Variants in AMER2 observed in about 807,000 individuals in gnomAD.
The protein encoded by AMER2 is family with sequence similarity 123A.
In AMER2, 1 loss-of-function variant was observed where a neutral mutation model predicts 4.7. That is an observed-to-expected ratio of 0.21 (90% CI 0.07 to 1.00). The LOEUF (loss-of-function observed/expected upper bound fraction) is 1.00, where lower values mean the gene tolerates loss of function less well. AMER2 is among the 50% of genes least tolerant of loss of function. AMER2 has a pLI of 0.60. For missense variants in AMER2, 988 were observed against 966.9 expected, an observed-to-expected ratio of 1.02 and a Z score of -0.29; for synonymous variants, 485 against 433.3, an observed-to-expected ratio of 1.12 and a Z score of -1.48.
Position 25,164,880 on chromosome 13 carries a change from A to T in AMER2, c.*4724T>A, listed in dbSNP as rs2137432337. On this transcript the variant is annotated 3_prime_UTR_variant, in exon 1 of 1. Coordinates refer to ENST00000515384, the MANE Select transcript of AMER2 (RefSeq NM_152704.4). ...AAGCAACAAATGCAAATACCAAAAA[A>T]AAGTAAAATAATATTGTTTTGTGTT... 6.6e-6 allele frequency: 1 copy of T among 152,386 alleles called. No individual in the cohort carries two copies. Among genetic ancestry groups the T allele is most frequent in the Non-Finnish European group, 1.5e-5 (1 of 68,042 alleles). The allele number at this position is 152,386 out of a possible 1,614,324, so 9.4% of individuals were successfully genotyped here.
In AMER2 at chr13:25,171,034, C is replaced by G. The variant is rs201915481; in HGVS notation, c.586G>C (p.Gly196Arg). Residue 196 changes from glycine (G) to arginine (R), a missense_variant, in exon 1 of 1, where the codon GGG (glycine) becomes CGG (arginine). Physicochemically the swap from Gly to Arg is moderately radical, Grantham distance 125. Transcript: ENST00000515384. The surrounding 1 kb of genome is among the most constrained non-coding windows in gnomAD (Gnocchi z 5.9). ...AGGKQKRGLR[G>R]LFSGMRWHRK... The stretch of plus-strand genomic sequence containing the variant: ...TGCCAGCGCATGCCGCTGAACAGCC[C>G]CCGCAGCCCCCGCTTTTGTTTGCCG... 6.4e-7 allele frequency: 1 copy of G among 1,573,704 alleles called. No homozygotes were observed.
rs924663863 is a variant in AMER2 at position 25,171,991 on chromosome 13, A to T, written c.-372T>A. On this transcript the variant is annotated 5_prime_UTR_variant, in exon 1 of 1. Coordinates refer to ENST00000515384, the MANE Select transcript of AMER2 (RefSeq NM_152704.4). This position sits in a 1 kb window ranked among gnomAD's most constrained non-coding sequence, Gnocchi z 5.9. ...GAAATGCCTCTAAAAACGACAACGC[A>T]ATTCAACCCACCACAAAATGCTTGT... 8.0e-6 allele frequency: 2 copies of T among 249,070 alleles called. No individual in the cohort carries two copies. 15.4% of individuals were successfully genotyped at this position (249,070 alleles called of 1,614,324 possible). A position where few individuals can be genotyped will look rare whatever the true frequency, so the allele number is the denominator to read the frequency against.
rs1956421747 is a variant in AMER2, at chr13:25,162,602, C to G, written c.*7002G>C. 1 of 152,200 alleles carries G rather than the reference C, an allele frequency of 6.6e-6. No individual in the cohort carries two copies. Among genetic ancestry groups the G allele is most frequent in the African/African-American group, 2.4e-5 (1 of 41,448 alleles). 9.4% of individuals were successfully genotyped at this position (152,200 alleles called of 1,614,324 possible). ...CTGGAGCCATTTCAAGGCAAGTGAA[C>G]AAGCATTTTCTGCATGTCTACTCCA... On this transcript the variant is annotated 3_prime_UTR_variant, in exon 1 of 1. Coordinates refer to ENST00000515384, the MANE Select transcript of AMER2 (RefSeq NM_152704.4).
Position 25,170,906 on chromosome 13 carries a change from CT to C in AMER2, c.713del (p.Lys238ArgfsTer90). The C allele has an allele frequency of 6.8e-7, 1 of 1,476,706 alleles. No individual in the cohort carries two copies. The allele number at this position is 1,476,706 out of a possible 1,614,324, so 91.5% of individuals were successfully genotyped here. On this transcript the variant is annotated frameshift_variant, in exon 1 of 1. Transcript: ENST00000515384. LOFTEE classifies it low-confidence loss of function (END_TRUNC). The surrounding 1 kb of genome is among the most constrained non-coding windows in gnomAD (Gnocchi z 7.3). ...GSLTASLECV[K>X]EETPRAAREP... ...CGCGCGCGGCTCTGGGCGTCTCCTC[CT>C]TGACGCACTCCAGGCTGGCGGTGAG... is the stretch of plus-strand genomic sequence containing the variant.
rs992491878 is a variant in AMER2 at position 25,166,520 on chromosome 13, C to T, written c.*3084G>A. The stretch of plus-strand genomic sequence containing the variant: ...CTTTGTGCAGAGCTATTAAACCAAC[C>T]GATAAATTTTCGCCCAACAATTGAT... On this transcript the variant is annotated 3_prime_UTR_variant, in exon 1 of 1. Transcript: ENST00000515384. 1 of 152,134 alleles carries T rather than the reference C, an allele frequency of 6.6e-6. No homozygotes were observed. Among genetic ancestry groups the T allele is most frequent in the Non-Finnish European group, 1.5e-5 (1 of 68,020 alleles). The allele number at this position is 152,134 out of a possible 1,614,324, so 9.4% of individuals were successfully genotyped here. A position where few individuals can be genotyped will look rare whatever the true frequency, so the allele number is the denominator to read the frequency against.
In AMER2 at chr13:25,162,084, T is replaced by C. The variant is rs1275755994; in HGVS notation, c.*7520A>G. The C allele has an allele frequency of 1.3e-5, 2 of 152,202 alleles. No individual in the cohort carries two copies. Among genetic ancestry groups the C allele is most frequent in the African/African-American group, 4.8e-5 (2 of 41,446 alleles). 9.4% of individuals were successfully genotyped at this position (152,202 alleles called of 1,614,324 possible). On this transcript the variant is annotated 3_prime_UTR_variant, in exon 1 of 1. Transcript: ENST00000515384. ...GATGTTTTTCAGGGGTTTAACATTC[T>C]ATTATAAAAATAACATCTATAAACC... is the stretch of plus-strand genomic sequence containing the variant.
rs777373064 is a variant in AMER2, at chr13:25,171,179, G to A, written c.441C>T (p.Pro147=). Residue 147 remains proline (P), a synonymous_variant, in exon 1 of 1, where the codon CCC becomes CCT. Coordinates refer to ENST00000515384, the MANE Select transcript of AMER2 (RefSeq NM_152704.4). This position sits in a 1 kb window ranked among gnomAD's most constrained non-coding sequence, Gnocchi z 5.9. ...AGCTGCTGGCGAGGGAGCCCCCGCCGGGCCCTGCGGCTCTGGGGGGCCCCG... is the reference window on the plus strand; with the variant it reads ...AGCTGCTGGCGAGGGAGCCCCCGCCAGGCCCTGCGGCTCTGGGGGGCCCCG... ...PNPGPPRAAG[P]GGGSLASSSV... 3.3e-6 allele frequency: 5 copies of A among 1,516,662 alleles called. No individual in the cohort carries two copies. Among genetic ancestry groups the A allele is most frequent in the Non-Finnish European group, 4.4e-6 (5 of 1,132,338 alleles). 94.0% of individuals were successfully genotyped at this position (1,516,662 alleles called of 1,614,324 possible). A position where few individuals can be genotyped will look rare whatever the true frequency, so the allele number is the denominator to read the frequency against.
chr13:25,171,302 G>T lies in AMER2; in HGVS notation c.318C>A (p.His106Gln), dbSNP rs957364101. 6.3e-7 allele frequency: 1 copy of T among 1,591,216 alleles called. No homozygotes were observed. The highest frequency in any genetic ancestry group is 1.7e-5 in the Admixed American group (1 of 57,246). ...GPTGLVRSRT[H>Q]DGLAEVLVLE... ...GCACCAGCACCTCGGCAAGTCCGTC[G>T]TGGGTCCTGCTCCTCACCAGCCCCG... Residue 106 changes from histidine (H) to glutamine (Q), a missense_variant, in exon 1 of 1, where the codon CAC becomes CAA. By Grantham distance (24) the His-to-Gln change is conservative. Coordinates refer to ENST00000515384, the MANE Select transcript of AMER2 (RefSeq NM_152704.4). This position sits in a 1 kb window ranked among gnomAD's most constrained non-coding sequence, Gnocchi z 5.9.
chr13:25,169,755 T>C lies in AMER2; in HGVS notation c.1865A>G (p.His622Arg). The change falls in exon 1 of 1, where the codon CAT becomes CGT. Residue 622 changes from histidine (H) to arginine (R), a missense_variant. Transcript: ENST00000515384. This position sits in a 1 kb window ranked among gnomAD's most constrained non-coding sequence, Gnocchi z 4.2. The part of the protein sequence containing the change: ...IKHLTNLPSS[H>R]PVVHQQPSRS... ...GGAGGGTTGCTGGTGCACCACGGGA[T>C]GGCTAGATGGAAGGTTGGTCAGGTG... 6.2e-7 allele frequency: 1 copy of C among 1,614,150 alleles called. No homozygotes were observed. Among genetic ancestry groups the C allele is most frequent in the Non-Finnish European group, 8.5e-7 (1 of 1,180,016 alleles).
At position 25,171,703 on chromosome 13, in the gene AMER2, C is replaced by T. The variant is rs187887971; in HGVS notation, c.-84G>A. On this transcript the variant is annotated 5_prime_UTR_variant, in exon 1 of 1. Transcript: ENST00000515384. The surrounding 1 kb of genome is among the most constrained non-coding windows in gnomAD (Gnocchi z 5.9). ...ACCCGTATTCTAAATCAACCTGAGC[C>T]GCGCTCGCCGCCGCCGCTGCAAAAG... is the stretch of plus-strand genomic sequence containing the variant. The T allele has an allele frequency of 1.5e-5, 21 of 1,411,456 alleles. No individual in the cohort carries two copies. In the African/African-American group the frequency reaches 2.9e-4, roughly 19 times the overall value. The allele number at this position is 1,411,456 out of a possible 1,614,324, so 87.4% of individuals were successfully genotyped here. A position where few individuals can be genotyped will look rare whatever the true frequency, so the allele number is the denominator to read the frequency against.
chr13:25,171,718 C>T lies in AMER2; in HGVS notation c.-99G>A. 2.1e-6 allele frequency: 3 copies of T among 1,409,874 alleles called. No homozygotes were observed. Among genetic ancestry groups the T allele is most frequent in the Admixed American group, 3.2e-5 (1 of 31,016 alleles). The allele number at this position is 1,409,874 out of a possible 1,614,324, so 87.3% of individuals were successfully genotyped here. On this transcript the variant is annotated 5_prime_UTR_variant, in exon 1 of 1. Transcript: ENST00000515384. The surrounding 1 kb of genome is among the most constrained non-coding windows in gnomAD (Gnocchi z 5.9). ...CAACCTGAGCCGCGCTCGCCGCCGC[C>T]GCTGCAAAAGAAACACACATAAAAG...
Position 25,166,314 on chromosome 13 carries a change from ATTG to A in AMER2, c.*3287_*3289del, listed in dbSNP as rs1480100481. On this transcript the variant is annotated 3_prime_UTR_variant, in exon 1 of 1. Transcript: ENST00000515384. ...GGAAGTCCTTTGTATTCTATATTCT[ATTG>A]TTGTTATTAGATAAAATAATAGAAA... The A allele has an allele frequency of 1.3e-5, 2 of 152,172 alleles. No individual in the cohort carries two copies. Among genetic ancestry groups the A allele is most frequent in the African/African-American group, 4.8e-5 (2 of 41,442 alleles). The allele number at this position is 152,172 out of a possible 1,614,324, so 9.4% of individuals were successfully genotyped here.
At position 25,170,642 on chromosome 13, in the gene AMER2, G is replaced by C; in HGVS notation, c.978C>G (p.Pro326=). The change falls in exon 1 of 1, where the codon CCC becomes CCG. Residue 326 remains proline (P), a synonymous_variant. Coordinates refer to ENST00000515384, the MANE Select transcript of AMER2 (RefSeq NM_152704.4). This position sits in a 1 kb window ranked among gnomAD's most constrained non-coding sequence, Gnocchi z 7.3. ...AEDASRTGAV[P]VKTVPLVDSE... is the part of the protein sequence containing the mutation. Reference sequence around the variant, plus strand: ...AGTCGACAAGGGGGACCGTCTTTACGGGAACGGCCCCCGTCCTGGAAGCGT... The same window carrying C: ...AGTCGACAAGGGGGACCGTCTTTACCGGAACGGCCCCCGTCCTGGAAGCGT... 1.9e-6 allele frequency: 3 copies of C among 1,554,644 alleles called. No individual in the cohort carries two copies. The highest frequency in any genetic ancestry group is 1.2e-5 in the South Asian group (1 of 84,618).
In AMER2 at chr13:25,171,507, G is replaced by T. The variant is rs200277642; in HGVS notation, c.113C>A (p.Thr38Asn). 3 of 1,601,504 alleles carry T rather than the reference G, an allele frequency of 1.9e-6. No individual in the cohort carries two copies. Among genetic ancestry groups the T allele is most frequent in the South Asian group, 2.2e-5 (2 of 89,670 alleles). The change falls in exon 1 of 1, where the codon ACC (threonine) becomes AAC (asparagine). Residue 38 changes from threonine to asparagine, a missense_variant. By Grantham distance (65) the Thr-to-Asn change is moderately conservative. Coordinates refer to ENST00000515384, the MANE Select transcript of AMER2 (RefSeq NM_152704.4). The surrounding 1 kb of genome is among the most constrained non-coding windows in gnomAD (Gnocchi z 5.9). ...RKAEAGAGTG[T>N]LAADMDLHCD... ...ATGCAAGTCCATGTCTGCCGCGAGG[G>T]TCCCGGTCCCGGCCCCGGCCTCCGC... is the stretch of plus-strand genomic sequence containing the variant.
Position 25,170,117 on chromosome 13 carries a change from A to T in AMER2, c.1503T>A (p.His501Gln), listed in dbSNP as rs764845705. The change falls in exon 1 of 1, where the codon CAT (histidine) becomes CAA (glutamine). Residue 501 changes from histidine to glutamine, a missense_variant. By Grantham distance (24) the His-to-Gln change is conservative. Transcript: ENST00000515384. This position sits in a 1 kb window ranked among gnomAD's most constrained non-coding sequence, Gnocchi z 7.3. ...RRLNRIPIEPHPKEEPKHPEK... is the reference protein window; with the variant it reads ...RRLNRIPIEPQPKEEPKHPEK... ...CCGGGTGCTTGGGCTCCTCCTTAGG[A>T]TGGGGCTCGATGGGAATCCGGTTGA... 6.2e-7 allele frequency: 1 copy of T among 1,613,934 alleles called. No individual in the cohort carries two copies. Among genetic ancestry groups the T allele is most frequent in the South Asian group, 1.1e-5 (1 of 91,062 alleles).
Position 25,166,315 on chromosome 13 carries a change from T to G in AMER2, c.*3289A>C, listed in dbSNP as rs559968989. On this transcript the variant is annotated 3_prime_UTR_variant, in exon 1 of 1. Coordinates refer to ENST00000515384, the MANE Select transcript of AMER2 (RefSeq NM_152704.4). ...GAAGTCCTTTGTATTCTATATTCTA[T>G]TGTTGTTATTAGATAAAATAATAGA... 1 of 152,244 alleles carries G rather than the reference T, an allele frequency of 6.6e-6. No homozygotes were observed. The highest frequency in any genetic ancestry group is 1.5e-5 in the Non-Finnish European group (1 of 68,036). The allele number at this position is 152,244 out of a possible 1,614,324, so 9.4% of individuals were successfully genotyped here. A position where few individuals can be genotyped will look rare whatever the true frequency, so the allele number is the denominator to read the frequency against.
rs143660081 is a variant in AMER2, at chr13:25,169,936, G to C, written c.1684C>G (p.Pro562Ala). The C allele has an allele frequency of 4.3e-6, 7 of 1,614,156 alleles. No individual in the cohort carries two copies. The highest frequency in any genetic ancestry group is 5.9e-6 in the Non-Finnish European group (7 of 1,180,024). ...GDALYDLYADPDGSPATLPGG... is the reference protein window; with the variant it reads ...GDALYDLYADADGSPATLPGG... The stretch of plus-strand genomic sequence containing the variant: ...GGAAGGGTTGCTGGACTTCCGTCCG[G>C]GTCAGCATAGAGATCATAGAGCGCG... Residue 562 changes from proline (P) to alanine (A), a missense_variant, in exon 1 of 1, where the codon CCG (proline) becomes GCG (alanine). Coordinates refer to ENST00000515384, the MANE Select transcript of AMER2 (RefSeq NM_152704.4). The surrounding 1 kb of genome is among the most constrained non-coding windows in gnomAD (Gnocchi z 4.2).
rs546041900 is a variant in AMER2 at position 25,162,301 on chromosome 13, C to T, written c.*7303G>A. ...TTTATATAAATAACGTGGGCGAAAC[C>T]TGAAGTTCACAATGAGCCTGCTAGG... On this transcript the variant is annotated 3_prime_UTR_variant, in exon 1 of 1. Coordinates refer to ENST00000515384, the MANE Select transcript of AMER2 (RefSeq NM_152704.4). 1 of 152,194 alleles carries T rather than the reference C, an allele frequency of 6.6e-6. No individual in the cohort carries two copies. The highest frequency in any genetic ancestry group is 1.9e-4 in the East Asian group (1 of 5,174). 9.4% of individuals were successfully genotyped at this position (152,194 alleles called of 1,614,324 possible). A position where few individuals can be genotyped will look rare whatever the true frequency, so the allele number is the denominator to read the frequency against.
rs1430235810 is a variant in AMER2, at chr13:25,164,545, G to C, written c.*5059C>G. On this transcript the variant is annotated 3_prime_UTR_variant, in exon 1 of 1. Coordinates refer to ENST00000515384, the MANE Select transcript of AMER2 (RefSeq NM_152704.4). ...CTCTCTATTACTGAAAATCACTAAAGAGTTTATATCCCTGTCCTAGAGACT... is the reference window on the plus strand; with the variant it reads ...CTCTCTATTACTGAAAATCACTAAACAGTTTATATCCCTGTCCTAGAGACT... 1 of 149,970 alleles carries C rather than the reference G, an allele frequency of 6.7e-6. No individual in the cohort carries two copies. Among genetic ancestry groups the C allele is most frequent in the Non-Finnish European group, 1.5e-5 (1 of 67,790 alleles). 9.3% of individuals were successfully genotyped at this position (149,970 alleles called of 1,614,324 possible). A position where few individuals can be genotyped will look rare whatever the true frequency, so the allele number is the denominator to read the frequency against.
Sources: allele counts gnomAD v4.1 joint callset, GRCh38; gene constraint gnomAD v4.1.1; non-coding constraint Gnocchi (gnomAD v3.1); transcripts MANE v1.5; gene names NCBI Gene and HGNC (gene_info 2026-07-23, HGNC 2026-07-21).